TBC1D5: variants seen among roughly 807,000 people sequenced by gnomAD.
TBC1D5 encodes TBC1 domain family, member 5.
Under a neutral mutation model 100.3 loss-of-function variants are expected in TBC1D5, and 75 were observed. The ratio of observed to expected loss-of-function variants is 0.75; its 90% CI spans 0.62 to 0.91. The LOEUF is 0.91. Among genes scored for constraint, TBC1D5 ranks in the 40% least tolerant of loss-of-function variants. TBC1D5 has a pLI of 0.00. For missense variants in TBC1D5, 910 were observed against 942.4 expected (o/e 0.97, Z 0.45); for synonymous variants, 323 against 325.6 (o/e 0.99, Z 0.09).
At chr3:17,257,190 G>A (rs78238424) in intron 16 of TBC1D5, among the ~76,000 whole-genome samples, 2 of 151,892 alleles carry the variant, frequency 1.3e-5, no homozygotes, top group East Asian at 1.9e-4. Context: ...GGGTTGGGAG[G>A]GAGGGGAAGA....
intron 4 of TBC1D5, among the ~76,000 whole-genome samples, chr3:17,408,267 CAACACA>C (rs1052636062): frequency 1.8e-5 from 2 of 109,666 alleles, no homozygotes; most frequent in East Asian, 3.3e-4. Flanking sequence ...GAAGACTATC[CAACACA>C]CACACACACA....
intron 19 of TBC1D5, among the ~76,000 whole-genome samples, chr3:17,169,729 A>G (rs2066983899): frequency 6.6e-6 from 1 of 152,268 alleles, no homozygotes; most frequent in Non-Finnish European, 1.5e-5. Flanking sequence ...ACAAGACATT[A>G]ACAGTAAGCA....
intron 15 of TBC1D5, among the ~76,000 whole-genome samples, chr3:17,269,832 T>A (rs2079210435): frequency 1.3e-5 from 2 of 152,184 alleles, no homozygotes; most frequent in Admixed American, 6.5e-5. Flanking sequence ...GTTTCATTCC[T>A]TTTTATGGCT....
chr3:17,583,942 T>C (rs1185372807), intron 2 of TBC1D5, among the ~76,000 whole-genome samples: 1 of 152,070 alleles, frequency 6.6e-6, no homozygotes, highest in African/African-American at 2.4e-5. Context: ...AACCAAAAAG[T>C]AGAAGCAAAC....
chr3:17,627,634 G>A (rs1472782015), intron 1 of TBC1D5, among the ~76,000 whole-genome samples: 1 of 150,444 alleles, frequency 6.6e-6, no homozygotes, highest in East Asian at 1.9e-4. Context: ...TGTACTGCAA[G>A]GAAGAACAAT....
intron 8 of TBC1D5, among the ~76,000 whole-genome samples, chr3:17,399,158 C>T (rs1424602068): frequency 1.8e-4 from 28 of 152,060 alleles, no homozygotes; most frequent in Non-Finnish European, 1.3e-4. Flanking sequence ...TAAAAGGGAA[C>T]TGGGTATGTA....
At chr3:17,699,076 A>G (rs1372788294) in intron 1 of TBC1D5, among the ~76,000 whole-genome samples, 3 of 151,424 alleles carry the variant, frequency 2.0e-5, no homozygotes, top group Admixed American at 6.6e-5. Flanking sequence ...TCATGCTGCT[A>G]TAAAGACACA....
At chr3:17,499,881 CA>C (rs1239912949) in intron 3 of TBC1D5, among the ~76,000 whole-genome samples, 2 of 149,076 alleles carry the variant, frequency 1.3e-5, no homozygotes, top group Non-Finnish European at 2.9e-5. Flanking sequence ...GTGCCAAGAC[CA>C]ATCAACCAAA....
At chr3:17,518,325 T>C (rs192383526) in intron 2 of TBC1D5, among the ~76,000 whole-genome samples, 1 of 152,200 alleles carries the variant, frequency 6.6e-6, no homozygotes, top group East Asian at 1.9e-4. Flanking sequence ...GCCTATAATA[T>C]AGGACACCCA....
intron 3 of TBC1D5, among the ~76,000 whole-genome samples, chr3:17,440,740 C>T (rs183007259): frequency 6.6e-6 from 1 of 152,258 alleles, no homozygotes; most frequent in Admixed American, 6.5e-5. Context: ...CTCCTGGGTT[C>T]AAGCAATTCT....
chr3:17,690,204 A>ATT (rs1199260338), intron 1 of TBC1D5, among the ~76,000 whole-genome samples: 1,232 of 47,014 alleles, frequency 0.026, 324 homozygotes, highest in Non-Finnish European at 0.031. Flanking sequence ...AAATAGCCAT[A>ATT]TTTTTTTTTT....
chr3:17,275,513 A>G (rs1017614155), intron 15 of TBC1D5, among the ~76,000 whole-genome samples: 1 of 152,158 alleles, frequency 6.6e-6, no homozygotes, highest in Admixed American at 6.5e-5. Context: ...GCTCTCCAGC[A>G]TGGGCCACAG....
chr3:17,693,830 G>A (rs2071563045), intron 1 of TBC1D5, among the ~76,000 whole-genome samples: 1 of 152,148 alleles, frequency 6.6e-6, no homozygotes, highest in South Asian at 2.1e-4. Flanking sequence ...CTACCAATAG[G>A]GGCCGACAGA....
At chr3:17,426,100 C>T (rs1575850657) in intron 4 of TBC1D5, among the ~76,000 whole-genome samples, 1 of 152,054 alleles carries the variant, frequency 6.6e-6, no homozygotes, top group African/African-American at 2.4e-5. Flanking sequence ...TTAAATAATA[C>T]AAAGGTAGAA....
chr3:17,185,237 T>G (rs754728266), intron 18 of TBC1D5, 29 bp from the exon 20 acceptor site: 1 of 1,581,532 alleles, frequency 6.3e-7, no homozygotes, highest in Non-Finnish European at 8.7e-7. Context: ...CATATGGAAA[T>G]TTTTTAGAGA....
intron 3 of TBC1D5, among the ~76,000 whole-genome samples, chr3:17,458,772 CT>C (rs1202269539): frequency 6.6e-6 from 1 of 152,186 alleles, no homozygotes; most frequent in African/African-American, 2.4e-5. Context: ...TTCCAGCTCA[CT>C]ACATCTCTGA....
chr3:17,233,212 G>A (rs1202087818), intron 17 of TBC1D5, among the ~76,000 whole-genome samples: 6 of 152,088 alleles, frequency 3.9e-5, no homozygotes, highest in Non-Finnish European at 7.4e-5. Flanking sequence ...AACATAATGC[G>A]TAATTCAAAG....
At chr3:17,522,009 A>T (rs1382409376) in intron 2 of TBC1D5, among the ~76,000 whole-genome samples, 1 of 152,104 alleles carries the variant, frequency 6.6e-6, no homozygotes, top group Non-Finnish European at 1.5e-5. Flanking sequence ...TAAATATGCA[A>T]ATGTTCCAAT....
At chr3:17,260,442 T>C (rs2078170832) in intron 15 of TBC1D5, among the ~76,000 whole-genome samples, 2 of 152,174 alleles carry the variant, frequency 1.3e-5, no homozygotes, top group African/African-American at 4.8e-5. Context: ...ATGATCTAAC[T>C]TGAACATATA....
Sources: gnomAD v4.1 joint callset for allele counts (sites outside exome capture counted in the v4.1 genomes callset) on GRCh38, gnomAD v4.1.1 for gene constraint, MANE v1.5 for transcripts, NCBI Gene and HGNC (gene_info 2026-07-23, HGNC 2026-07-21) for gene names.